Variants in SLC38A6 observed in about 807,000 individuals in gnomAD.
SLC38A6 encodes solute carrier family 38 member 6, also known as N system amino acid transporter NAT-1.
In SLC38A6, 73 loss-of-function variants were observed where a neutral mutation model predicts 65.0. The ratio of observed to expected loss-of-function variants is 1.12; its 90% CI spans 0.93 to 1.37. The LOEUF is 1.37. Among genes scored for constraint, SLC38A6 ranks in the 40% most tolerant of loss-of-function variants. The pLI is 0.00. For synonymous variants in SLC38A6, 183 were observed against 178.8 expected, an observed-to-expected ratio of 1.02 and a Z score of -0.19; for missense variants, 561 against 531.1, an observed-to-expected ratio of 1.06 and a Z score of -0.55.
At chr14:61,080,447 G>A (rs556694293) in intron 16 of SLC38A6, among the ~76,000 whole-genome samples, 1 of 152,290 alleles carries the variant, frequency 6.6e-6, no homozygotes, top group East Asian at 1.9e-4. Context: ...TTTGGAAATT[G>A]TGCCTTCCAA....
intron 1 of SLC38A6, 59 bp from the exon 2 acceptor site, chr14:60,982,449 T>G (rs2296923): frequency 5.1e-6 from 8 of 1,573,274 alleles, no homozygotes; most frequent in Non-Finnish European, 6.9e-6. Flanking sequence ...GGAATTTCTT[T>G]ACGAAATTTT....
chr14:61,014,863 C>T (rs1257021584), intron 3 of SLC38A6, among the ~76,000 whole-genome samples: 1 of 152,228 alleles, frequency 6.6e-6, no homozygotes, highest in Non-Finnish European at 1.5e-5. Context: ...TCTGTCCCTT[C>T]TCAGATCTCC....
At chr14:61,012,216 G>T (rs2039631287) in intron 3 of SLC38A6, among the ~76,000 whole-genome samples, 1 of 152,162 alleles carries the variant, frequency 6.6e-6, no homozygotes, top group African/African-American at 2.4e-5. Context: ...ATTTCTGTGG[G>T]ATCGGTGGTG....
chr14:60,995,557 TACTGA>T (rs2139328177), intron 3 of SLC38A6, among the ~76,000 whole-genome samples: 1 of 152,194 alleles, frequency 6.6e-6, no homozygotes, highest in South Asian at 2.1e-4. Flanking sequence ...TAATATTGTT[TACTGA>T]AAATTTGCCA....
chr14:60,994,879 C>G (rs986167166), intron 3 of SLC38A6, among the ~76,000 whole-genome samples: 1 of 151,236 alleles, frequency 6.6e-6, no homozygotes, highest in Non-Finnish European at 1.5e-5. Flanking sequence ...TGACACACAC[C>G]TGTAATCCCA....
At chr14:61,023,523 A>G (rs955200354) in intron 5 of SLC38A6, among the ~76,000 whole-genome samples, 6 of 150,094 alleles carry the variant, frequency 4.0e-5, no homozygotes, top group African/African-American at 1.2e-4. Context: ...CAGTAAGCCA[A>G]GATCTCGCCA....
At chr14:61,027,630 G>A (rs972642365) in intron 5 of SLC38A6, among the ~76,000 whole-genome samples, 3 of 151,912 alleles carry the variant, frequency 2.0e-5, no homozygotes, top group African/African-American at 7.3e-5. Flanking sequence ...TCATTTTATT[G>A]AGCTGATTGT....
chr14:61,037,630 C>A lies in SLC38A6; in HGVS notation c.571C>A (p.Leu191Ile). 6.3e-7 allele frequency: 1 copy of A among 1,590,992 alleles called. No individual in the cohort carries two copies. Among genetic ancestry groups the A allele is most frequent in the East Asian group, 2.2e-5 (1 of 44,518 alleles). The part of the protein sequence containing the change: ...PLALLPKIGF[L>I]GYTSSLSFFF... ...ATTTTACTGTTATTTTACAGGCTTTCTTGGCTACACAAGTAGTTTATCATT... is the reference window on the plus strand; with the variant it reads ...ATTTTACTGTTATTTTACAGGCTTTATTGGCTACACAAGTAGTTTATCATT... Residue 191 changes from leucine (L) to isoleucine (I), a missense_variant, in exon 8 of 16, where the codon CTT (leucine) becomes ATT (isoleucine). Leu to Ile is a conservative substitution (Grantham distance 5). Transcript: ENST00000267488.
intron 3 of SLC38A6, among the ~76,000 whole-genome samples, chr14:61,005,400 T>C (rs1482677689): frequency 1.6e-5 from 2 of 122,804 alleles, no homozygotes; most frequent in African/African-American, 2.7e-5. Context: ...TTGTCCCTGT[T>C]TGCAGATGAC....
At chr14:61,006,796 C>T (rs1037496431) in intron 3 of SLC38A6, among the ~76,000 whole-genome samples, 4 of 152,020 alleles carry the variant, frequency 2.6e-5, no homozygotes, top group Admixed American at 1.3e-4. Flanking sequence ...CTAGAAATAC[C>T]ATTTGACCCA....
chr14:61,019,433 C>A, intron 4 of SLC38A6, 108 bp from the exon 5 acceptor site: 2 of 1,031,766 alleles, frequency 1.9e-6, no homozygotes, highest in Non-Finnish European at 1.4e-6. Context: ...TTTCTCCTCA[C>A]AACTTCTGCA....
intron 8 of SLC38A6, among the ~76,000 whole-genome samples, chr14:61,041,081 G>A (rs1221896697): frequency 1.3e-5 from 2 of 152,198 alleles, no homozygotes; most frequent in Non-Finnish European, 2.9e-5. Flanking sequence ...CACAAAAGAA[G>A]CAAAGGGCTT....
intron 5 of SLC38A6, among the ~76,000 whole-genome samples, chr14:61,022,243 G>T (rs2040380416): frequency 6.6e-6 from 1 of 152,038 alleles, no homozygotes; most frequent in African/African-American, 2.4e-5. Context: ...TGCCCTAAAA[G>T]CATTCATGGA....
At chr14:61,005,924 A>C (rs576275037) in intron 3 of SLC38A6, among the ~76,000 whole-genome samples, 137 of 152,270 alleles carry the variant, frequency 9.0e-4, no homozygotes, top group African/African-American at 3.1e-3. Context: ...CTGACTTCAA[A>C]CTATACTACA....
chr14:61,070,067 C>G (rs2043178291), intron 15 of SLC38A6, among the ~76,000 whole-genome samples: 1 of 152,178 alleles, frequency 6.6e-6, no homozygotes, highest in South Asian at 2.1e-4. Context: ...TAAACAACAC[C>G]TAACATGAAA....
chr14:61,045,207 T>G, intron 10 of SLC38A6, 139 bp from the exon 11 acceptor site: 1 of 590,310 alleles, frequency 1.7e-6, no homozygotes, highest in Non-Finnish European at 2.9e-6. Flanking sequence ...AAATTCTTAT[T>G]TTATAAAGAG....
chr14:60,981,620 G>C (rs1274235206), intron 1 of SLC38A6: 4 of 1,469,704 alleles, frequency 2.7e-6, no homozygotes, highest in South Asian at 2.4e-5. Context: ...GGGTGGAAGA[G>C]ATGCAGCGTT....
In SLC38A6 at chr14:61,022,367, G is replaced by T. The variant is rs546175052; in HGVS notation, c.403+2787G>T. On this transcript the variant is annotated intron_variant, in intron 5 of 15. Transcript: ENST00000267488. ...AGCCTTAAAAAGTAGTTTCTTGATT[G>T]ATATATACAGAATCTGTGGAACTTC... Among the ~76,000 whole-genome samples the T allele has an allele frequency of 2.0e-5, 3 of 151,838 alleles. No homozygotes were observed. In the South Asian group the frequency reaches 6.2e-4, roughly 32 times the overall value.
chr14:60,999,258 CA>C (rs1191837000), intron 3 of SLC38A6, among the ~76,000 whole-genome samples: 1 of 152,196 alleles, frequency 6.6e-6, no homozygotes, highest in Non-Finnish European at 1.5e-5. Flanking sequence ...GTGCCCAGAA[CA>C]TAATCTCTTT....
Sources: allele counts gnomAD v4.1 joint callset (sites outside exome capture counted in the v4.1 genomes callset), GRCh38; gene constraint gnomAD v4.1.1; transcripts MANE v1.5; gene names NCBI Gene and HGNC (gene_info 2026-07-23, HGNC 2026-07-21).